The following CPNE1 variants were observed in gnomAD, a reference collection of about 807,000 sequenced individuals.
The protein encoded by CPNE1 is copine-1.
A neutral mutation model predicts 63.2 loss-of-function variants in CPNE1; 58 were observed. The observed-to-expected ratio is 0.92, with a 90% confidence interval of 0.74 to 1.14. CPNE1 has a LOEUF of 1.14. Ranked by LOEUF, CPNE1 falls within the 50% of genes most tolerant of loss-of-function variation. The probability of loss-of-function intolerance (pLI) is 0.00; values close to 1 mark genes in which losing one functional copy is unlikely to be tolerated. For missense variants in CPNE1, 672 were observed against 661.7 expected (o/e 1.02, Z -0.17); for synonymous variants, 237 against 249.0 (o/e 0.95, Z 0.45).
At chr20:35,663,587 T>C (rs1251853568) in intron 1 of CPNE1, among the ~76,000 whole-genome samples, 1 of 152,224 alleles carries the variant, frequency 6.6e-6, no homozygotes, top group African/African-American at 2.4e-5. Context: ...CTGAGAATCC[T>C]GGAGCCAAGG....
At chr20:35,655,570 C>A (rs1165401515) in intron 1 of CPNE1, among the ~76,000 whole-genome samples, 2 of 152,170 alleles carry the variant, frequency 1.3e-5, no homozygotes, top group Non-Finnish European at 2.9e-5. Flanking sequence ...GGAAACAGTT[C>A]AGTCCCAAGA....
intron 1 of CPNE1, chr20:35,652,629 A>C (rs775750559): frequency 1.2e-6 from 2 of 1,614,168 alleles, no homozygotes; most frequent in Non-Finnish European, 8.5e-7. Context: ...CCATGGCTTC[A>C]CCTGTGGGCA....
At chr20:35,662,507 T>C (rs972708904) in intron 1 of CPNE1, among the ~76,000 whole-genome samples, 47 of 152,224 alleles carry the variant, frequency 3.1e-4, no homozygotes, top group African/African-American at 1.1e-3. Context: ...TAAGCACTTG[T>C]GGGCCAGACA....
intron 1 of CPNE1, chr20:35,654,917 C>T (rs1289427716): frequency 6.8e-6 from 11 of 1,614,034 alleles, no homozygotes; most frequent in Non-Finnish European, 9.3e-6. Flanking sequence ...GAAGTGGTGG[C>T]AGTAACTACA....
chr20:35,650,048 G>T (rs1255455972), intron 1 of CPNE1: 10 of 152,562 alleles, frequency 6.6e-5, no homozygotes, highest in Admixed American at 2.0e-4. Flanking sequence ...ACATTTTCAA[G>T]AATTTTTTAA....
rs73616686 is a variant in CPNE1 at position 35,646,796 on chromosome 20, T to C, written c.1-13873A>G. On this transcript the variant is annotated intron_variant, in intron 1 of 15. Coordinates refer to ENST00000397443, the MANE Select transcript of CPNE1 (RefSeq NM_152925.3). ...TTTGACTGTTCATACTGAATTATGTTCTCTTGCTGGGCATTGCCCCACAAC... is the reference window on the plus strand; with the variant it reads ...TTTGACTGTTCATACTGAATTATGTCCTCTTGCTGGGCATTGCCCCACAAC... 2.7e-4 allele frequency among the ~76,000 whole-genome samples: 41 copies of C among 152,270 alleles called. No homozygotes were observed. The East Asian group carries it at 7.5e-3, about 28-fold the overall frequency.
intron 1 of CPNE1, chr20:35,653,841 G>A: frequency 6.2e-7 from 1 of 1,613,838 alleles, no homozygotes; most frequent in Non-Finnish European, 8.5e-7. Context: ...GATTGCCCAT[G>A]TACTGTTTAT....
At chr20:35,630,574 T>C (rs1157861414) in intron 12 of CPNE1, 84 bp from the exon 13 acceptor site, 2 of 1,518,102 alleles carry the variant, frequency 1.3e-6, no homozygotes, top group Admixed American at 1.7e-5. Flanking sequence ...CCAAGATTCC[T>C]ATAGGAGCTA....
chr20:35,642,482 G>C (rs905066231), intron 1 of CPNE1, among the ~76,000 whole-genome samples: 24 of 152,178 alleles, frequency 1.6e-4, no homozygotes, highest in African/African-American at 4.8e-4. Context: ...AAGCCAATCA[G>C]AAAATCCTCC....
At chr20:35,653,314 G>A (rs1601471678) in intron 1 of CPNE1, 1 of 1,613,810 alleles carries the variant, frequency 6.2e-7, no homozygotes, top group African/African-American at 1.3e-5. Context: ...GGGCAGGCCT[G>A]CACCGGGAAG....
intron 1 of CPNE1, chr20:35,653,575 T>C: frequency 6.2e-7 from 1 of 1,614,234 alleles, no homozygotes; most frequent in East Asian, 2.2e-5. Flanking sequence ...TCCTAGACCT[T>C]GCCCATTGTT....
chr20:35,654,012 T>C (rs1276615412), intron 1 of CPNE1: 19 of 1,614,094 alleles, frequency 1.2e-5, no homozygotes, highest in Non-Finnish European at 1.5e-5. Context: ...CTTCAAATGG[T>C]AGCCCTTTCA....
At chr20:35,631,440 A>G (rs1001492785) in intron 8 of CPNE1, 52 bp downstream of exon 8, 5 of 1,603,090 alleles carry the variant, frequency 3.1e-6, no homozygotes, top group Non-Finnish European at 4.3e-6. Context: ...CTCTCCCACA[A>G]GCTTCAGCTA....
chr20:35,632,524 AG>A lies in CPNE1; in HGVS notation c.301del (p.Leu101Ter), dbSNP rs1306965257. 1.2e-6 allele frequency: 2 copies of A among 1,613,516 alleles called. No individual in the cohort carries two copies. The highest frequency in any genetic ancestry group is 2.2e-5 in the South Asian group (2 of 91,080). On this transcript the variant is annotated frameshift_variant, in exon 3 of 16. Coordinates refer to ENST00000397443, the MANE Select transcript of CPNE1 (RefSeq NM_152925.3). LOFTEE classifies it high-confidence loss of function. ...ATCCCCAGCCCTACATACCTGTCCT[AG>A]GGAACACTCAGCACCCCCTAGGAAG... is the stretch of plus-strand genomic sequence containing the variant. The part of the protein sequence containing the change: ...DDFLGGAECS[L>X]GQIVSSQVLT...
chr20:35,654,704 G>A, intron 1 of CPNE1: 4 of 1,613,796 alleles, frequency 2.5e-6, no homozygotes, highest in Non-Finnish European at 3.4e-6. Flanking sequence ...ACTGGAATTG[G>A]GGGAATGGAT....
rs763238145 is a variant in CPNE1, at chr20:35,631,189, G to A, written c.802-16C>T. ...CTGTTTCTACCTGCAAATGAAACCAGGGTCATGCCTGGGGTGATAGCAGTT... is the reference window on the plus strand; with the variant it reads ...CTGTTTCTACCTGCAAATGAAACCAAGGTCATGCCTGGGGTGATAGCAGTT... On this transcript the variant is annotated splice_polypyrimidine_tract_variant and intron_variant, in intron 9 of 15. Coordinates refer to ENST00000397443, the MANE Select transcript of CPNE1 (RefSeq NM_152925.3). 1.2e-6 allele frequency: 2 copies of A among 1,613,964 alleles called. No homozygotes were observed. Among genetic ancestry groups the A allele is most frequent in the Admixed American group, 3.3e-5 (2 of 60,020 alleles).
chr20:35,644,153 G>A (rs1033772848), intron 1 of CPNE1, among the ~76,000 whole-genome samples: 3 of 152,176 alleles, frequency 2.0e-5, no homozygotes, highest in African/African-American at 7.2e-5. Flanking sequence ...CACAGAGTAA[G>A]TACCCAGTGT....
chr20:35,655,963 C>CTTGTT, intron 1 of CPNE1, among the ~76,000 whole-genome samples: 1 of 152,214 alleles, frequency 6.6e-6, no homozygotes, highest in Non-Finnish European at 1.5e-5. Context: ...TTCAATCTGC[C>CTTGTT]TTGTACATTA....
chr20:35,631,001 G>T lies in CPNE1; in HGVS notation c.895C>A (p.Pro299Thr). ...GVDFTGSNGD[P>T]SSPDSLHYLS... ...TAGTGTAGGGAGTCAGGTGAGGAGG[G>T]GTCTCCATTGGAGCCAGTGAAGTCC... Residue 299 changes from proline to threonine, a missense_variant, in exon 11 of 16, where the codon CCC (proline) becomes ACC (threonine). Physicochemically the swap from Pro to Thr is conservative, Grantham distance 38. Coordinates refer to ENST00000397443, the MANE Select transcript of CPNE1 (RefSeq NM_152925.3). 6.2e-7 allele frequency: 1 copy of T among 1,613,736 alleles called. No individual in the cohort carries two copies. The highest frequency in any genetic ancestry group is 1.7e-4 in the Middle Eastern group (1 of 6,060).
Sources: gnomAD v4.1 joint callset for allele counts (sites outside exome capture counted in the v4.1 genomes callset) on GRCh38, gnomAD v4.1.1 for gene constraint, MANE v1.5 for transcripts, NCBI Gene and HGNC (gene_info 2026-07-23, HGNC 2026-07-21) for gene names.